Variants in CASK observed in about 807,000 individuals in gnomAD.
CASK encodes the protein calcium/calmodulin dependent serine protein kinase, also known as peripheral plasma membrane protein CASK.
Under a neutral mutation model 82.9 loss-of-function variants are expected in CASK, and 4 were observed. The observed-to-expected ratio is 0.05, with a 90% CI of 0.02 to 0.11. The LOEUF is 0.11. CASK is among the 10% of genes least tolerant of loss of function. The pLI, the probability that CASK is intolerant of heterozygous loss-of-function variation, is 1.00. For missense variants in CASK, 358 were observed against 720.9 expected, an observed-to-expected ratio of 0.50 and a Z score of 5.76; for synonymous variants, 259 against 253.5, an observed-to-expected ratio of 1.02 and a Z score of -0.20.
intron 1 of CASK, among the ~76,000 whole-genome samples, chrX:41,869,812 CAAAAAAAA>C (rs72190097): frequency 3.3e-4 from 4 of 12,111 alleles, no homozygotes; most frequent in African/African-American, 8.5e-4. Context: ...GACTCTGTCT[CAAAAAAAA>C]AAAAAAAAAA....
chrX:41,883,470 G>A (rs1335309857), intron 1 of CASK, among the ~76,000 whole-genome samples: 4 of 111,168 alleles, frequency 3.6e-5, no homozygotes, highest in South Asian at 7.6e-4. Flanking sequence ...TAAGGGTGTT[G>A]CCTACCTCGA....
At chrX:41,544,459 C>T (rs758459048) in intron 21 of CASK, among the ~76,000 whole-genome samples, 35 of 105,833 alleles carry the variant, frequency 3.3e-4, no homozygotes, top group Middle Eastern at 5.2e-3. Flanking sequence ...CCAGCTACTC[C>T]GGATGCTGAG....
At chrX:41,648,053 C>T (rs1178881206) in intron 8 of CASK, among the ~76,000 whole-genome samples, 1 of 112,259 alleles carries the variant, frequency 8.9e-6, no homozygotes, top group African/African-American at 3.2e-5. Flanking sequence ...AGAACAGAGC[C>T]ATATTTCTCT....
intron 1 of CASK, among the ~76,000 whole-genome samples, chrX:41,889,616 C>T (rs2072127655): frequency 8.9e-6 from 1 of 111,778 alleles, no homozygotes; most frequent in African/African-American, 3.3e-5. Context: ...AACATTTATA[C>T]AGTGGTCATT....
At chrX:41,700,256 T>C in intron 5 of CASK, among the ~76,000 whole-genome samples, 1 of 111,775 alleles carries the variant, frequency 8.9e-6, no homozygotes, top group Middle Eastern at 4.6e-3. Context: ...AAAAATGGAT[T>C]CTTTATTCCT....
chrX:41,543,141 G>A (rs898347012), intron 21 of CASK, among the ~76,000 whole-genome samples: 3 of 112,381 alleles, frequency 2.7e-5, no homozygotes, highest in Non-Finnish European at 5.6e-5. Flanking sequence ...AGCTGGTACT[G>A]AGCACTTAAT....
intron 5 of CASK, among the ~76,000 whole-genome samples, chrX:41,702,708 C>T (rs1379493199): frequency 4.5e-5 from 5 of 111,912 alleles, no homozygotes; most frequent in African/African-American, 1.6e-4. Context: ...GCAGGAGAAT[C>T]GCTTGAACCT....
At position 41,810,259 on chromosome X, in the gene CASK, C is replaced by A. The variant is rs1481572991; in HGVS notation, c.173-22976G>T. Among the ~76,000 whole-genome samples the A allele has an allele frequency of 7.2e-5, 8 of 111,437 alleles. No homozygotes were observed. The East Asian group carries it at 1.4e-3, about 20-fold the overall frequency. The stretch of plus-strand genomic sequence containing the variant: ...GAGACCACCACAAAGATACTCCTCG[C>A]GAAGAGCAACTCCAAGATACATAAC... On this transcript the variant is annotated intron_variant, in intron 2 of 26. Coordinates refer to ENST00000378163, the MANE Select transcript of CASK (RefSeq NM_001367721.1).
At chrX:41,697,044 ATAAT>A (rs1188844649) in intron 5 of CASK, 2 of 244,033 alleles carry the variant, frequency 8.2e-6, no homozygotes, top group East Asian at 1.4e-4. Context: ...TAACAGCAAA[ATAAT>A]TAAAGTGCCA....
intron 11 of CASK, among the ~76,000 whole-genome samples, chrX:41,611,279 A>C (rs1029851951): frequency 9.0e-6 from 1 of 111,321 alleles, no homozygotes; most frequent in African/African-American, 3.3e-5. Context: ...GACCTTATCC[A>C]TTCTCATGCA....
chrX:41,663,447 G>A (rs376590902), intron 7 of CASK, among the ~76,000 whole-genome samples: 1 of 112,177 alleles, frequency 8.9e-6, no homozygotes, highest in South Asian at 3.7e-4. Flanking sequence ...AAATTATGAT[G>A]TAGCTGCCAC....
At chrX:41,609,431 T>A (rs954894525) in intron 12 of CASK, among the ~76,000 whole-genome samples, 1 of 110,567 alleles carries the variant, frequency 9.0e-6, no homozygotes, top group Admixed American at 9.6e-5. Flanking sequence ...TGTATTTCAA[T>A]CATGAATTTT....
At chrX:41,814,311 C>T (rs1277547068) in intron 2 of CASK, among the ~76,000 whole-genome samples, 1 of 111,504 alleles carries the variant, frequency 9.0e-6, no homozygotes, top group East Asian at 2.8e-4. Context: ...TATTGCGGCA[C>T]TATTCACAAT....
At position 41,787,279 on chromosome X, in the gene CASK, T is replaced by C. The variant is rs772801010; in HGVS notation, c.177A>G (p.Leu59=). ...TATGACAGATACTGGCTTCCCGCTTTAGATCTGTAAAACAAACATACAGCA... is the reference window on the plus strand; with the variant it reads ...TATGACAGATACTGGCTTCCCGCTTCAGATCTGTAAAACAAACATACAGCA... ...TSSPGLSTED[L]KREASICHML... The change falls in exon 3 of 27, where the codon CTA becomes CTG. Residue 59 remains leucine (L), a synonymous_variant. Transcript: ENST00000378163. The C allele has an allele frequency of 2.6e-6, 3 of 1,134,800 alleles. No homozygotes were observed. In the African/African-American group the frequency reaches 5.4e-5, roughly 20 times the overall value. 93.5% of individuals were successfully genotyped at this position (1,134,800 alleles called of 1,213,427 possible). A position where few individuals can be genotyped will look rare whatever the true frequency, so the allele number is the denominator to read the frequency against.
At position 41,824,721 on chromosome X, in the gene CASK, C is replaced by G. The variant is rs1370365564; in HGVS notation, c.172+28394G>C. On this transcript the variant is annotated intron_variant, in intron 2 of 26. Transcript: ENST00000378163. ...CCCCTGGACTCCAGAGGGCAGATTT[C>G]CAATGAGTCCCACTAGCATGGTGTC... is the stretch of plus-strand genomic sequence containing the variant. 9.0e-5 allele frequency among the ~76,000 whole-genome samples: 10 copies of G among 111,602 alleles called. No homozygotes were observed. In the Admixed American group the frequency reaches 9.5e-4, roughly 11 times the overall value.
intron 7 of CASK, among the ~76,000 whole-genome samples, chrX:41,664,685 C>T (rs2067087221): frequency 8.9e-6 from 1 of 111,957 alleles, no homozygotes; most frequent in Admixed American, 9.5e-5. Flanking sequence ...TGTGATATCG[C>T]TATTCATAAA....
chrX:41,756,841 C>T (rs2068905820), intron 3 of CASK, among the ~76,000 whole-genome samples: 1 of 112,276 alleles, frequency 8.9e-6, no homozygotes, highest in Non-Finnish European at 1.9e-5. Context: ...CTAACTCAGG[C>T]AAGCTGACTT....
In CASK at chrX:41,593,805, G is replaced by A. The variant is rs147841061; in HGVS notation, c.1156-4213C>T. Among the ~76,000 whole-genome samples, 118 of 112,492 alleles carry A rather than the reference G, an allele frequency of 1.0e-3. 1 individual carries two copies. In the East Asian group the frequency reaches 0.026, roughly 25 times the overall value. ...AAAAGTCATCAATGGAAAAAAGTTC[G>A]AATGCGATGTAACATTGAAGTGTTT... On this transcript the variant is annotated intron_variant, in intron 12 of 26. Transcript: ENST00000378163.
At chrX:41,811,247 A>G (rs773873189) in intron 2 of CASK, among the ~76,000 whole-genome samples, 305 of 112,324 alleles carry the variant, frequency 2.7e-3, no homozygotes, top group Middle Eastern at 4.6e-3. Context: ...AGACATCTAC[A>G]GAACTCTCCA....
Sources: gnomAD v4.1 joint callset for allele counts (sites outside exome capture counted in the v4.1 genomes callset) on GRCh38, gnomAD v4.1.1 for gene constraint, MANE v1.5 for transcripts, NCBI Gene and HGNC (gene_info 2026-07-23, HGNC 2026-07-21) for gene names.